Variants in LRMDA observed in about 807,000 individuals in gnomAD.
The protein encoded by LRMDA is leucine-rich melanocyte differentiation-associated protein.
LRMDA carries 18 observed loss-of-function variants against 29.8 expected under a neutral mutation model. The ratio of observed to expected loss-of-function variants is 0.60; its 90% CI spans 0.42 to 0.90. The LOEUF is 0.90. Ranked by LOEUF, LRMDA falls within the 40% of genes least tolerant of loss-of-function variation. The pLI, the probability that LRMDA is intolerant of heterozygous loss-of-function variation, is 0.00. For synonymous variants in LRMDA, 125 were observed against 109.4 expected (o/e 1.14, Z -0.89); for missense variants, 273 against 273.9 (o/e 1.00, Z 0.02).
intron 4 of LRMDA, among the ~76,000 whole-genome samples, chr10:76,054,696 TGAAA>T (rs1848581566): frequency 1.3e-5 from 2 of 151,548 alleles, no homozygotes; most frequent in Non-Finnish European, 2.9e-5. Context: ...TGTCTTTATT[TGAAA>T]GAGTCTGTTG....
intron 6 of LRMDA, among the ~76,000 whole-genome samples, chr10:76,555,750 T>G (rs1843548030): frequency 7.5e-6 from 1 of 133,688 alleles, no homozygotes; most frequent in African/African-American, 2.9e-5. Flanking sequence ...CAAGTGCTAA[T>G]TTATCACAAA....
At chr10:75,983,973 G>T (rs1847218826) in intron 2 of LRMDA, among the ~76,000 whole-genome samples, 1 of 152,062 alleles carries the variant, frequency 6.6e-6, no homozygotes, top group African/African-American at 2.4e-5. Context: ...GTTTTTATTT[G>T]TCCTGAGTTT....
intron 5 of LRMDA, among the ~76,000 whole-genome samples, chr10:76,240,061 T>C (rs878991951): frequency 1.3e-5 from 2 of 151,530 alleles, no homozygotes; most frequent in South Asian, 4.2e-4. Flanking sequence ...AACAATCCCA[T>C]CAAAAAGTGG....
rs532681848 is a variant in LRMDA, at chr10:75,806,935, A to G, written c.132-229073A>G. Among the ~76,000 whole-genome samples, 151 of 152,120 alleles carry G rather than the reference A, an allele frequency of 9.9e-4. 2 individuals are homozygous for G. The highest frequency in any genetic ancestry group is 6.8e-3 in the Middle Eastern group (2 of 294). The stretch of plus-strand genomic sequence containing the variant: ...TCCTTTCTGCATCTGTCTTTCCCCA[A>G]TTCAGAAGGTACTTCCCGCTGGCAG... On this transcript the variant is annotated intron_variant, in intron 2 of 6. Transcript: ENST00000611255.
intron 5 of LRMDA, among the ~76,000 whole-genome samples, chr10:76,199,712 T>G (rs1194191500): frequency 1.3e-5 from 2 of 152,212 alleles, no homozygotes; most frequent in African/African-American, 2.4e-5. Context: ...ATTGAAATAG[T>G]GCTATCCTTT....
At chr10:76,503,483 T>TC (rs398114530) in intron 6 of LRMDA, among the ~76,000 whole-genome samples, 2 of 151,380 alleles carry the variant, frequency 1.3e-5, no homozygotes, top group Non-Finnish European at 3.0e-5. Context: ...TTTTTTTTTT[T>TC]CAATTGTTGA....
At chr10:75,985,540 C>T (rs1301004359) in intron 2 of LRMDA, among the ~76,000 whole-genome samples, 1 of 152,192 alleles carries the variant, frequency 6.6e-6, no homozygotes, top group Non-Finnish European at 1.5e-5. Flanking sequence ...TTCTCATCAA[C>T]CTCAGTCAAA....
chr10:75,739,600 G>T (rs1482952662), intron 2 of LRMDA, among the ~76,000 whole-genome samples: 6 of 152,176 alleles, frequency 3.9e-5, no homozygotes, highest in Non-Finnish European at 8.8e-5. Flanking sequence ...AAATGGCTGA[G>T]GGGTATCAGG....
intron 2 of LRMDA, among the ~76,000 whole-genome samples, chr10:75,564,650 G>A (rs574056894): frequency 3.3e-5 from 5 of 152,346 alleles, no homozygotes; most frequent in South Asian, 2.1e-4. Flanking sequence ...GCTGTAGACC[G>A]GAGCTGTTCC....
intron 2 of LRMDA, among the ~76,000 whole-genome samples, chr10:75,864,486 A>G (rs1037357290): frequency 6.6e-6 from 1 of 152,112 alleles, no homozygotes; most frequent in Admixed American, 6.6e-5. Flanking sequence ...CATTCAACCC[A>G]TGTGGCATTA....
At chr10:76,256,430 A>G (rs1328197689) in intron 5 of LRMDA, among the ~76,000 whole-genome samples, 1 of 152,214 alleles carries the variant, frequency 6.6e-6, no homozygotes, top group Non-Finnish European at 1.5e-5. Flanking sequence ...GTAATTCTCA[A>G]CATGAATGAA....
chr10:76,136,388 C>T (rs1037144185), intron 5 of LRMDA, among the ~76,000 whole-genome samples: 5 of 152,176 alleles, frequency 3.3e-5, no homozygotes, highest in African/African-American at 9.6e-5. Flanking sequence ...AATACATTGT[C>T]ACTTGGGGAA....
intron 6 of LRMDA, among the ~76,000 whole-genome samples, chr10:76,548,186 T>C (rs1030967036): frequency 1.3e-5 from 2 of 152,210 alleles, no homozygotes; most frequent in Non-Finnish European, 2.9e-5. Context: ...TTCTGTCACT[T>C]TCCAAAAGCC....
intron 5 of LRMDA, among the ~76,000 whole-genome samples, chr10:76,308,880 T>A (rs1313343862): frequency 6.6e-6 from 1 of 152,200 alleles, no homozygotes; most frequent in African/African-American, 2.4e-5. Flanking sequence ...GGCGCTGCAG[T>A]CAAACAAATC....
At chr10:76,554,433 G>A (rs1268199695) in intron 6 of LRMDA, among the ~76,000 whole-genome samples, 1 of 152,140 alleles carries the variant, frequency 6.6e-6, no homozygotes, top group African/African-American at 2.4e-5. Context: ...TGCACTTGAT[G>A]TCTATTTAAA....
chr10:75,730,796 T>G (rs958105529), intron 2 of LRMDA, among the ~76,000 whole-genome samples: 1 of 143,194 alleles, frequency 7.0e-6, no homozygotes, highest in South Asian at 2.2e-4. Context: ...TTGAACCTTC[T>G]TTTTTTTGAA....
chr10:76,133,724 GA>G (rs1850042448), intron 5 of LRMDA, among the ~76,000 whole-genome samples: 1 of 152,244 alleles, frequency 6.6e-6, no homozygotes, highest in Non-Finnish European at 1.5e-5. Flanking sequence ...ACGACATGTG[GA>G]AAATGATTGA....
Position 76,027,831 on chromosome 10 carries a change from G to A in LRMDA, c.132-8177G>A, listed in dbSNP as rs986265791. ...TTTGGGGTACTTAAATGTATAGCAT[G>A]AAAATTGTACTGGCTCATTAGATAG... is the stretch of plus-strand genomic sequence containing the variant. On this transcript the variant is annotated intron_variant, in intron 2 of 6. Coordinates refer to ENST00000611255, the MANE Select transcript of LRMDA (RefSeq NM_001305581.2). 3.3e-5 allele frequency among the ~76,000 whole-genome samples: 5 copies of A among 152,270 alleles called. No homozygotes were observed. The East Asian group carries it at 9.6e-4, about 29-fold the overall frequency.
chr10:76,302,083 A>T (rs1029322543), intron 5 of LRMDA, among the ~76,000 whole-genome samples: 3 of 152,150 alleles, frequency 2.0e-5, no homozygotes, highest in African/African-American at 7.2e-5. Context: ...GCATATTGAG[A>T]ACTGGTGCGT....
Sources: allele counts gnomAD v4.1 joint callset (sites outside exome capture counted in the v4.1 genomes callset), GRCh38; gene constraint gnomAD v4.1.1; transcripts MANE v1.5; gene names NCBI Gene and HGNC (gene_info 2026-07-23, HGNC 2026-07-21).